The following CDH20 variants were observed in gnomAD, a reference collection of about 807,000 sequenced individuals.
CDH20 encodes the protein cadherin 20, also known as cadherin-20.
In CDH20, 29 loss-of-function variants were observed where a neutral mutation model predicts 74.2. That is an observed-to-expected ratio of 0.39 (90% CI 0.29 to 0.53). The LOEUF (loss-of-function observed/expected upper bound fraction) is 0.53. Among genes scored for constraint, CDH20 ranks in the 20% least tolerant of loss-of-function variants. CDH20 has a pLI of 0.69. For missense variants in CDH20, 988 were observed against 1,048.3 expected (o/e 0.94, Z 0.79); for synonymous variants, 469 against 405.4 (o/e 1.16, Z -1.88).
At chr18:61,368,146 G>T (rs1215302428) in intron 1 of CDH20, among the ~76,000 whole-genome samples, 1 of 151,916 alleles carries the variant, frequency 6.6e-6, no homozygotes, top group Non-Finnish European at 1.5e-5. Flanking sequence ...GGGCCTGCTT[G>T]GATAATCCAG....
In CDH20 at chr18:61,353,468, T is replaced by A. The variant is rs1014133031; in HGVS notation, c.-153+19641T>A. On this transcript the variant is annotated intron_variant, in intron 1 of 11. Coordinates refer to ENST00000262717, the MANE Select transcript of CDH20 (RefSeq NM_031891.4). This position sits in a 1 kb window ranked among gnomAD's most constrained non-coding sequence, Gnocchi z 4.6. ...GGACTTCATATTGCAATACCAGTAC[T>A]AATCATTTGTCTACTTGTGGTCCTC... is the stretch of plus-strand genomic sequence containing the variant. Among the ~76,000 whole-genome samples, 1 of 152,260 alleles carries A rather than the reference T, an allele frequency of 6.6e-6. No individual in the cohort carries two copies. The highest frequency in any genetic ancestry group is 2.4e-5 in the African/African-American group (1 of 41,464).
chr18:61,509,893 G>A (rs1911719276), intron 6 of CDH20, among the ~76,000 whole-genome samples: 1 of 152,162 alleles, frequency 6.6e-6, no homozygotes, highest in Non-Finnish European at 1.5e-5. Context: ...AAACGTGGAT[G>A]AGGATATGGA....
chr18:61,441,594 G>A (rs1367150535), intron 1 of CDH20, among the ~76,000 whole-genome samples: 2 of 152,144 alleles, frequency 1.3e-5, no homozygotes, highest in East Asian at 3.9e-4. Flanking sequence ...AAAATGAATA[G>A]TTTTGTGCCT....
At chr18:61,486,675 A>C (rs550248932) in intron 1 of CDH20, among the ~76,000 whole-genome samples, 1 of 152,088 alleles carries the variant, frequency 6.6e-6, no homozygotes, top group Non-Finnish European at 1.5e-5. Flanking sequence ...TATAAGCAAA[A>C]ATGATAGCTT....
chr18:61,489,825 C>T (rs1287646698), intron 1 of CDH20, among the ~76,000 whole-genome samples: 1 of 151,914 alleles, frequency 6.6e-6, no homozygotes, highest in Non-Finnish European at 1.5e-5. Flanking sequence ...CCACTGTGAG[C>T]TCAGAAAATG....
chr18:61,488,254 G>T (rs1285127839), intron 1 of CDH20, among the ~76,000 whole-genome samples: 5 of 152,170 alleles, frequency 3.3e-5, no homozygotes, highest in Non-Finnish European at 5.9e-5. Context: ...GACTGAGCCA[G>T]AATCTGCTAC....
At chr18:61,432,425 G>A (rs1913289803) in intron 1 of CDH20, among the ~76,000 whole-genome samples, 1 of 151,922 alleles carries the variant, frequency 6.6e-6, no homozygotes, top group South Asian at 2.1e-4. Context: ...GTTAAACAGG[G>A]TACTTTTTTT....
chr18:61,423,549 C>T (rs1599074835), intron 1 of CDH20, among the ~76,000 whole-genome samples: 1 of 152,220 alleles, frequency 6.6e-6, no homozygotes, highest in Non-Finnish European at 1.5e-5. Flanking sequence ...TCTATTAAGT[C>T]CAGGCTGACT....
At chr18:61,553,102 CA>C (rs1159560235) in intron 11 of CDH20, among the ~76,000 whole-genome samples, 1 of 152,148 alleles carries the variant, frequency 6.6e-6, no homozygotes, top group African/African-American at 2.4e-5. Flanking sequence ...AGCACATCTA[CA>C]TTCAAAAAAA....
intron 11 of CDH20, among the ~76,000 whole-genome samples, chr18:61,552,158 T>A (rs1346610354): frequency 7.5e-6 from 1 of 132,828 alleles, no homozygotes; most frequent in East Asian, 2.3e-4. Flanking sequence ...CTAAATAAAT[T>A]AATTCTGACT....
At chr18:61,548,289 G>A (rs1378259582) in intron 10 of CDH20, among the ~76,000 whole-genome samples, 1 of 152,194 alleles carries the variant, frequency 6.6e-6, no homozygotes, top group African/African-American at 2.4e-5. Context: ...AAGCAGTTAT[G>A]TAGCACAATG....
At chr18:61,484,994 T>C (rs1345057004) in intron 1 of CDH20, among the ~76,000 whole-genome samples, 1 of 152,036 alleles carries the variant, frequency 6.6e-6, no homozygotes, top group Non-Finnish European at 1.5e-5. Context: ...TTCAGAGAAC[T>C]GACAATGGCC....
chr18:61,534,625 G>A (rs1912758499), intron 7 of CDH20, among the ~76,000 whole-genome samples: 1 of 152,310 alleles, frequency 6.6e-6, no homozygotes, highest in South Asian at 2.1e-4. Flanking sequence ...ACGACATTAT[G>A]CTAAATTAGC....
chr18:61,520,527 C>T (rs1912168258), intron 6 of CDH20, among the ~76,000 whole-genome samples: 3 of 150,728 alleles, frequency 2.0e-5, no homozygotes, highest in Admixed American at 2.0e-4. Flanking sequence ...TTAGTCAGAT[C>T]AATGAGATAG....
intron 1 of CDH20, among the ~76,000 whole-genome samples, chr18:61,372,125 TAA>T (rs1037572366): frequency 2.0e-5 from 3 of 151,538 alleles, no homozygotes; most frequent in African/African-American, 7.3e-5. Flanking sequence ...GCACACTAAA[TAA>T]AAGTTATTTT....
rs1053113627 is a variant in CDH20 at position 61,450,415 on chromosome 18, T to C, written c.-152-39987T>C. ...AAAAAAAAAAAAAAAACTTTTTACTTTTTACCATGAGAACTTTCAAAGAGA... is the reference window on the plus strand; with the variant it reads ...AAAAAAAAAAAAAAAACTTTTTACTCTTTACCATGAGAACTTTCAAAGAGA... On this transcript the variant is annotated intron_variant, in intron 1 of 11. Coordinates refer to ENST00000262717, the MANE Select transcript of CDH20 (RefSeq NM_031891.4). Among the ~76,000 whole-genome samples, 4 of 151,916 alleles carry C rather than the reference T, an allele frequency of 2.6e-5. No homozygotes were observed. In the South Asian group the frequency reaches 6.2e-4, roughly 24 times the overall value.
intron 1 of CDH20, among the ~76,000 whole-genome samples, chr18:61,396,678 A>C (rs1911990914): frequency 6.6e-6 from 1 of 152,230 alleles, no homozygotes; most frequent in Non-Finnish European, 1.5e-5. Flanking sequence ...CTCCACATGA[A>C]GCAGGTAGGA....
At chr18:61,376,876 T>C (rs1233032786) in intron 1 of CDH20, among the ~76,000 whole-genome samples, 1 of 152,106 alleles carries the variant, frequency 6.6e-6, no homozygotes, top group Non-Finnish European at 1.5e-5. Flanking sequence ...GAGTTGGTTA[T>C]GTGTGGAGGG....
intron 1 of CDH20, among the ~76,000 whole-genome samples, chr18:61,392,586 T>C (rs1911830245): frequency 6.6e-6 from 1 of 152,168 alleles, no homozygotes; most frequent in Admixed American, 6.5e-5. Flanking sequence ...TCCCTCTCCA[T>C]GCTGAGCACA....
Sources: allele counts gnomAD v4.1 joint callset (sites outside exome capture counted in the v4.1 genomes callset), GRCh38; gene constraint gnomAD v4.1.1; non-coding constraint Gnocchi (gnomAD v3.1); transcripts MANE v1.5; gene names NCBI Gene and HGNC (gene_info 2026-07-23, HGNC 2026-07-21).